HHAT: variants seen among roughly 807,000 people sequenced by gnomAD.
HHAT encodes protein-cysteine N-palmitoyltransferase HHAT.
A neutral mutation model predicts 70.8 loss-of-function variants in HHAT; 47 were observed. The ratio of observed to expected loss-of-function variants is 0.66; its 90% CI spans 0.53 to 0.85. HHAT has a LOEUF of 0.85. Among genes scored for constraint, HHAT ranks in the 40% least tolerant of loss-of-function variants. The probability of loss-of-function intolerance (pLI) is 0.00; values close to 1 mark genes in which losing one functional copy is unlikely to be tolerated. For synonymous variants in HHAT, 228 were observed against 247.6 expected (o/e 0.92, Z 0.74); for missense variants, 609 against 604.8 (o/e 1.01, Z -0.07).
chr1:210,428,739 G>A (rs1043489817), intron 7 of HHAT, among the ~76,000 whole-genome samples: 1 of 151,826 alleles, frequency 6.6e-6, no homozygotes, highest in East Asian at 1.9e-4. Flanking sequence ...CACTTTGGAA[G>A]GCTAAGGCGA....
intron 11 of HHAT, among the ~76,000 whole-genome samples, chr1:210,667,117 T>C (rs550673467): frequency 2.7e-3 from 402 of 149,918 alleles, no homozygotes; most frequent in African/African-American, 9.7e-3. Flanking sequence ...GCACTGTGGC[T>C]CATGCCTGTA....
At chr1:210,404,811 C>T (rs2092260749) in intron 6 of HHAT, 132 bp downstream of exon 6, 8 of 646,050 alleles carry the variant, frequency 1.2e-5, no homozygotes, top group South Asian at 2.0e-5. Context: ...TATTAGTTCT[C>T]ATGAGGTTTT....
At chr1:210,667,164 C>A (rs890783257) in intron 11 of HHAT, among the ~76,000 whole-genome samples, 1 of 151,926 alleles carries the variant, frequency 6.6e-6, no homozygotes, top group Admixed American at 6.6e-5. Flanking sequence ...AGGTGGATCA[C>A]CTTGGGTCAG....
At chr1:210,652,890 G>T (rs1675477406) in intron 11 of HHAT, among the ~76,000 whole-genome samples, 1 of 152,238 alleles carries the variant, frequency 6.6e-6, no homozygotes, top group Admixed American at 6.5e-5. Context: ...TAAAGTGCCA[G>T]CTCCTCTAGA....
At chr1:210,377,986 G>A (rs1241116729) in intron 3 of HHAT, among the ~76,000 whole-genome samples, 1 of 152,212 alleles carries the variant, frequency 6.6e-6, no homozygotes, top group Admixed American at 6.5e-5. Context: ...AGTATTGATT[G>A]AGAGAGAGTG....
intron 10 of HHAT, among the ~76,000 whole-genome samples, chr1:210,615,853 G>A (rs1667601270): frequency 6.6e-6 from 1 of 152,210 alleles, no homozygotes; most frequent in Admixed American, 6.5e-5. Context: ...CCCTACTGGG[G>A]GGTGCCTCCC....
intron 9 of HHAT, among the ~76,000 whole-genome samples, chr1:210,567,078 G>T (rs980739474): frequency 6.6e-6 from 1 of 152,208 alleles, no homozygotes; most frequent in Non-Finnish European, 1.5e-5. Context: ...CCAATAAGGG[G>T]TTAGAGCAAT....
At chr1:210,665,898 T>C (rs1678787210) in intron 11 of HHAT, among the ~76,000 whole-genome samples, 1 of 152,248 alleles carries the variant, frequency 6.6e-6, no homozygotes, top group Non-Finnish European at 1.5e-5. Context: ...AAAATGAGAA[T>C]AGTAATTTCT....
At chr1:210,444,753 A>G (rs1013499688) in intron 7 of HHAT, among the ~76,000 whole-genome samples, 3 of 152,106 alleles carry the variant, frequency 2.0e-5, no homozygotes, top group Admixed American at 6.5e-5. Context: ...GATTTGAGCA[A>G]TCCTTCCACC....
At chr1:210,523,977 A>G (rs1233021728) in intron 9 of HHAT, among the ~76,000 whole-genome samples, 1 of 152,256 alleles carries the variant, frequency 6.6e-6, no homozygotes, top group Non-Finnish European at 1.5e-5. Flanking sequence ...GACATTAGCT[A>G]AATGAAATCA....
At chr1:210,389,305 G>A (rs903688781) in intron 4 of HHAT, among the ~76,000 whole-genome samples, 2 of 152,158 alleles carry the variant, frequency 1.3e-5, no homozygotes, top group African/African-American at 2.4e-5. Context: ...CTGACATCGC[G>A]GCAATCCTGA....
intron 11 of HHAT, among the ~76,000 whole-genome samples, chr1:210,637,873 G>T (rs868311491): frequency 2.8e-4 from 35 of 123,432 alleles, no homozygotes; most frequent in Non-Finnish European, 4.0e-4. Flanking sequence ...AAAAAAAAAG[G>T]GGGGGGCAAA....
intron 1 of HHAT, among the ~76,000 whole-genome samples, chr1:210,334,177 C>CTTTTTTTTTTTTTTTTTTTTTTTTTT (rs1342123521): frequency 5.8e-5 from 2 of 34,548 alleles, no homozygotes; most frequent in Non-Finnish European, 5.3e-5. Flanking sequence ...TTTAGCGTGT[C>CTTTTTTTTTTTTTTTTTTTTTTTTTT]ATTTTTTTTT....
chr1:210,424,436 C>CTT lies in HHAT; in HGVS notation c.856+6119_856+6120dup, dbSNP rs35138149. 1.7e-3 allele frequency among the ~76,000 whole-genome samples: 246 copies of CTT among 142,314 alleles called. 1 individual carries two copies. The highest frequency in any genetic ancestry group is 5.9e-3 in the African/African-American group (227 of 38,552). The allele number at this position is 142,314 out of a possible 152,430, so 93.4% of individuals were successfully genotyped here. ...TTGGTAGAGTCTTTAGGTTTTTTTT[C>CTT]TTTTTTTTTAACTCTCTGTGTTCAG... is the stretch of plus-strand genomic sequence containing the variant. On this transcript the variant is annotated intron_variant, in intron 7 of 11. Coordinates refer to ENST00000261458, the MANE Select transcript of HHAT (RefSeq NM_018194.6).
At position 210,440,846 on chromosome 1, in the gene HHAT, C is replaced by T. The variant is rs186286152; in HGVS notation, c.856+22521C>T. The stretch of plus-strand genomic sequence containing the variant: ...GTTTTTCCTGAGTGTCTGATGCTGA[C>T]GGGTACTGAGTATCAGTTTCTTGAA... On this transcript the variant is annotated intron_variant, in intron 7 of 11. Transcript: ENST00000261458. Among the ~76,000 whole-genome samples, 10 of 152,260 alleles carry T rather than the reference C, an allele frequency of 6.6e-5. No homozygotes were observed. In the East Asian group the frequency reaches 1.2e-3, roughly 18 times the overall value.
chr1:210,506,121 A>G (rs762119419), intron 8 of HHAT, among the ~76,000 whole-genome samples: 1 of 152,182 alleles, frequency 6.6e-6, no homozygotes, highest in Non-Finnish European at 1.5e-5. Flanking sequence ...GTGAGTAAGC[A>G]TATGGGCAGC....
At chr1:210,598,294 G>T (rs185263222) in intron 10 of HHAT, among the ~76,000 whole-genome samples, 3 of 152,052 alleles carry the variant, frequency 2.0e-5, no homozygotes, top group Admixed American at 6.5e-5. Flanking sequence ...GCTGCCTGGG[G>T]TTGGGGGACG....
intron 9 of HHAT, among the ~76,000 whole-genome samples, chr1:210,576,697 A>T (rs529413396): frequency 8.5e-5 from 13 of 152,252 alleles, no homozygotes; most frequent in African/African-American, 2.9e-4. Context: ...GAAAAAAAGA[A>T]CACTTAATGT....
At chr1:210,607,378 T>C (rs1178039416) in intron 10 of HHAT, among the ~76,000 whole-genome samples, 1 of 14,296 alleles carries the variant, frequency 7.0e-5, no homozygotes, top group African/African-American at 1.0e-4. Flanking sequence ...ATGTTTATGT[T>C]GTTTAATTGG....
Sources: gnomAD v4.1 joint callset for allele counts (sites outside exome capture counted in the v4.1 genomes callset) on GRCh38, gnomAD v4.1.1 for gene constraint, MANE v1.5 for transcripts, NCBI Gene and HGNC (gene_info 2026-07-23, HGNC 2026-07-21) for gene names.